Variants in KIF16B observed in about 807,000 individuals in gnomAD.
The protein encoded by KIF16B is kinesin family member 16B, also known as kinesin-like protein KIF16B.
A neutral mutation model predicts 156.3 loss-of-function variants in KIF16B; 98 were observed. The ratio of observed to expected loss-of-function variants is 0.63; its 90% confidence interval spans 0.53 to 0.74. The LOEUF is 0.74. Ranked by LOEUF, KIF16B falls within the 30% of genes least tolerant of loss-of-function variation. The pLI is 0.00. For missense variants in KIF16B, 1,421 were observed against 1,606.5 expected, an observed-to-expected ratio of 0.88 and a Z score of 1.97; for synonymous variants, 564 against 583.7, an observed-to-expected ratio of 0.97 and a Z score of 0.49.
chr20:16,530,301 G>A (rs768773664), intron 1 of KIF16B, among the ~76,000 whole-genome samples: 1 of 152,160 alleles, frequency 6.6e-6, no homozygotes, highest in Non-Finnish European at 1.5e-5. Flanking sequence ...GCTGGACCTG[G>A]TGAGTCACTT....
chr20:16,335,013 T>C (rs1358559651), intron 24 of KIF16B, among the ~76,000 whole-genome samples: 3 of 152,206 alleles, frequency 2.0e-5, no homozygotes, highest in Non-Finnish European at 4.4e-5. Context: ...GTATTTTATA[T>C]CAGATTTTAA....
At chr20:16,497,128 C>G (rs964788260) in intron 11 of KIF16B, among the ~76,000 whole-genome samples, 1 of 152,230 alleles carries the variant, frequency 6.6e-6, no homozygotes, top group Non-Finnish European at 1.5e-5. Context: ...TCTTTGGTTA[C>G]TCACTGCCAG....
chr20:16,477,984 G>A (rs1331264491), intron 12 of KIF16B, among the ~76,000 whole-genome samples: 3 of 152,110 alleles, frequency 2.0e-5, no homozygotes, highest in East Asian at 1.9e-4. Context: ...GGAATACCCC[G>A]AGGACCTCAG....
At chr20:16,475,768 G>T (rs1228279785) in intron 12 of KIF16B, among the ~76,000 whole-genome samples, 1 of 152,134 alleles carries the variant, frequency 6.6e-6, no homozygotes, top group Admixed American at 6.5e-5. Flanking sequence ...GACACAAAAA[G>T]CTTTCTAATA....
intron 12 of KIF16B, among the ~76,000 whole-genome samples, chr20:16,449,559 C>T (rs2067024253): frequency 6.6e-6 from 1 of 152,096 alleles, no homozygotes; most frequent in South Asian, 2.1e-4. Flanking sequence ...TAACAGACAA[C>T]CTAAACAAAG....
chr20:16,273,178 G>T lies in KIF16B; in HGVS notation c.*75C>A. ...AGGAGGCAGACCCGGATCCTCGCAT[G>T]GGGGAGCTGCCCTGCATCGGAGCCC... On this transcript the variant is annotated 3_prime_UTR_variant, in exon 26 of 26. Transcript: ENST00000354981. The T allele has an allele frequency of 7.7e-7, 1 of 1,306,068 alleles. No individual in the cohort carries two copies. Among genetic ancestry groups the T allele is most frequent in the South Asian group, 1.2e-5 (1 of 80,216 alleles). The allele number at this position is 1,306,068 out of a possible 1,614,324, so 80.9% of individuals were successfully genotyped here. A position where few individuals can be genotyped will look rare whatever the true frequency, so the allele number is the denominator to read the frequency against.
intron 22 of KIF16B, among the ~76,000 whole-genome samples, chr20:16,369,665 A>T (rs2064769270): frequency 6.6e-6 from 1 of 152,256 alleles, no homozygotes; most frequent in Non-Finnish European, 1.5e-5. Context: ...GGCAAACTTA[A>T]TGAAAATCAG....
chr20:16,371,646 C>T lies in KIF16B; in HGVS notation c.3447+19G>A. 1 of 1,351,766 alleles carries T rather than the reference C, an allele frequency of 7.4e-7. No individual in the cohort carries two copies. Among genetic ancestry groups the T allele is most frequent in the Non-Finnish European group, 1.1e-6 (1 of 950,052 alleles). The allele number at this position is 1,351,766 out of a possible 1,614,324, so 83.7% of individuals were successfully genotyped here. On this transcript the variant is annotated intron_variant, in intron 21 of 25. Coordinates refer to ENST00000354981, the MANE Select transcript of KIF16B (RefSeq NM_024704.5). ...TGAACGAACTTGTTACTTCGTGTTA[C>T]TTGGCTCCTTCAGCTTACCTTCATC...
chr20:16,279,219 G>A (rs1420834037), intron 25 of KIF16B, among the ~76,000 whole-genome samples: 2 of 152,156 alleles, frequency 1.3e-5, no homozygotes, highest in African/African-American at 4.8e-5. Context: ...GGACAGATAA[G>A]CTTTTCCCAT....
Position 16,515,544 on chromosome 20 carries a change from G to A in KIF16B, c.348+4C>T, listed in dbSNP as rs751977307. ...TTCCTTCCCACACAGTATAAACAAC[G>A]TACAGAATTTCCCATCATAGTGTAT... On this transcript the variant is annotated splice_donor_region_variant and intron_variant, in intron 4 of 25. Transcript: ENST00000354981. The A allele has an allele frequency of 3.4e-6, 5 of 1,468,114 alleles. No individual in the cohort carries two copies. Among genetic ancestry groups the A allele is most frequent in the Middle Eastern group, 1.7e-4 (1 of 5,784 alleles). 90.9% of individuals were successfully genotyped at this position (1,468,114 alleles called of 1,614,324 possible).
chr20:16,297,924 GC>G, intron 25 of KIF16B, among the ~76,000 whole-genome samples: 1 of 152,098 alleles, frequency 6.6e-6, no homozygotes, highest in African/African-American at 2.4e-5. Flanking sequence ...TGCTCTTCCT[GC>G]CCCCAGGCTC....
Position 16,374,358 on chromosome 20 carries a change from A to G in KIF16B, c.3249T>C (p.Gly1083=). 6.2e-7 allele frequency: 1 copy of G among 1,602,044 alleles called. No homozygotes were observed. Among genetic ancestry groups the G allele is most frequent in the African/African-American group, 1.3e-5 (1 of 74,840 alleles). ...GGGTCCCATGATGATCTTTTTGAACACCATCGACCTCATAAATCTTCTGTT... is the reference window on the plus strand; with the variant it reads ...GGGTCCCATGATGATCTTTTTGAACGCCATCGACCTCATAAATCTTCTGTT... ...QLKQKIYEVD[G]VQKDHHGTLE... Residue 1083 remains glycine, a synonymous_variant, in exon 20 of 26, where the codon GGT becomes GGC. Transcript: ENST00000354981.
At chr20:16,559,612 A>AG (rs1452704339) in intron 1 of KIF16B, among the ~76,000 whole-genome samples, 1 of 151,800 alleles carries the variant, frequency 6.6e-6, no homozygotes, top group Non-Finnish European at 1.5e-5. Context: ...CTACAAAAAA[A>AG]AAAATTTAAA....
In KIF16B at chr20:16,505,901, T is replaced by C. The variant is rs566344753; in HGVS notation, c.869-48A>G. 3.1e-5 allele frequency: 50 copies of C among 1,607,410 alleles called. No individual in the cohort carries two copies. The African/African-American group carries it at 6.6e-4, about 21-fold the overall frequency. Reference sequence around the variant, plus strand: ...GGGAGAAAGGACAATTAGTAAAATTTTTTTTCCTCTACTTTTGCTTCATAA... The same window carrying C: ...GGGAGAAAGGACAATTAGTAAAATTCTTTTTCCTCTACTTTTGCTTCATAA... On this transcript the variant is annotated intron_variant, in intron 8 of 25. Transcript: ENST00000354981.
chr20:16,558,209 C>A (rs536596819), intron 1 of KIF16B, among the ~76,000 whole-genome samples: 2 of 152,358 alleles, frequency 1.3e-5, no homozygotes, highest in East Asian at 3.9e-4. Flanking sequence ...CATCACTGAT[C>A]AGAATGGAGA....
At chr20:16,519,975 T>C (rs1222732254) in intron 3 of KIF16B, among the ~76,000 whole-genome samples, 2 of 152,140 alleles carry the variant, frequency 1.3e-5, no homozygotes, top group African/African-American at 4.8e-5. Context: ...CCGTGAGGGA[T>C]GGTGCATTCA....
intron 22 of KIF16B, among the ~76,000 whole-genome samples, chr20:16,362,392 G>A (rs2064568127): frequency 6.6e-6 from 1 of 152,182 alleles, no homozygotes; most frequent in African/African-American, 2.4e-5. Flanking sequence ...TAAGATCCAT[G>A]CAAGGAAATA....
At chr20:16,531,951 C>G (rs2069768496) in intron 1 of KIF16B, among the ~76,000 whole-genome samples, 1 of 151,656 alleles carries the variant, frequency 6.6e-6, no homozygotes. Flanking sequence ...ACCTGTAATC[C>G]CAGTTACTTG....
chr20:16,380,832 C>T (rs559135201), intron 18 of KIF16B, among the ~76,000 whole-genome samples: 28 of 152,252 alleles, frequency 1.8e-4, no homozygotes, highest in Non-Finnish European at 3.7e-4. Context: ...AACAAATGAT[C>T]TCCACTGGGT....
Sources: gnomAD v4.1 joint callset for allele counts (sites outside exome capture counted in the v4.1 genomes callset) on GRCh38, gnomAD v4.1.1 for gene constraint, MANE v1.5 for transcripts, NCBI Gene and HGNC (gene_info 2026-07-23, HGNC 2026-07-21) for gene names.